The following VASH1 variants were observed in gnomAD, a reference collection of about 807,000 sequenced individuals.
VASH1 encodes tubulinyl-Tyr carboxypeptidase 1.
A neutral mutation model predicts 35.0 loss-of-function variants in VASH1; 16 were observed. The observed-to-expected ratio is 0.46, with a 90% CI of 0.31 to 0.70. The LOEUF (loss-of-function observed/expected upper bound fraction) is 0.70. Among genes scored for constraint, VASH1 ranks in the 30% least tolerant of loss-of-function variants. VASH1 has a pLI of 0.05. For synonymous variants in VASH1, 214 were observed against 200.9 expected, an observed-to-expected ratio of 1.07 and a Z score of -0.55; for missense variants, 505 against 510.7, an observed-to-expected ratio of 0.99 and a Z score of 0.11.
Position 76,779,671 on chromosome 14 carries a change from AGAG to A in VASH1, c.*658_*660del, listed in dbSNP as rs994027898. On this transcript the variant is annotated 3_prime_UTR_variant, in exon 7 of 7. Coordinates refer to ENST00000167106, the MANE Select transcript of VASH1 (RefSeq NM_014909.5). ...CCCCCATGGGCAGTGCTGTGTGGGC[AGAG>A]GAGGGGTGATATGAGAGCGAGCCCA... The A allele has an allele frequency of 2.0e-5, 12 of 601,488 alleles. No individual in the cohort carries two copies. In the African/African-American group the frequency reaches 2.0e-4, roughly 10 times the overall value. 37.3% of individuals were successfully genotyped at this position (601,488 alleles called of 1,614,324 possible). A position where few individuals can be genotyped will look rare whatever the true frequency, so the allele number is the denominator to read the frequency against.
At chr14:76,768,083 C>T (rs1299670153) in intron 1 of VASH1, among the ~76,000 whole-genome samples, 3 of 152,236 alleles carry the variant, frequency 2.0e-5, no homozygotes, top group African/African-American at 7.2e-5. Context: ...CTGCATGCTT[C>T]CCTGCCTGGC....
intron 1 of VASH1, 35 bp downstream of exon 1, chr14:76,763,165 T>C (rs1204154249): frequency 8.6e-6 from 12 of 1,394,484 alleles, no homozygotes; most frequent in Non-Finnish European, 1.1e-5. Context: ...GATAGCACAG[T>C]CTAGGTTTTA....
intron 6 of VASH1, among the ~76,000 whole-genome samples, chr14:76,778,728 A>G (rs1161105364): frequency 1.3e-5 from 2 of 152,238 alleles, no homozygotes. Flanking sequence ...AGCCTCCAGC[A>G]GCGAGAAAGC....
Position 76,779,325 on chromosome 14 carries a change from T to TC in VASH1, c.*309dup. ...GGTGGGAAGGCCAGTGCTTAACAAA[T>TC]CCATGTGTCATGGGGCCAGGTGAGG... On this transcript the variant is annotated 3_prime_UTR_variant, in exon 7 of 7. Transcript: ENST00000167106. 1 of 702,406 alleles carries TC rather than the reference T, an allele frequency of 1.4e-6. No homozygotes were observed. Among genetic ancestry groups the TC allele is most frequent in the South Asian group, 1.5e-5 (1 of 67,588 alleles). The allele number at this position is 702,406 out of a possible 1,614,324, so 43.5% of individuals were successfully genotyped here. A position where few individuals can be genotyped will look rare whatever the true frequency, so the allele number is the denominator to read the frequency against.
At chr14:76,770,761 G>A (rs545882250) in intron 2 of VASH1, among the ~76,000 whole-genome samples, 3 of 152,308 alleles carry the variant, frequency 2.0e-5, no homozygotes, top group East Asian at 1.9e-4. Context: ...ACTGCATATC[G>A]GGTCCAGCTC....
At chr14:76,770,627 C>T (rs1441999163) in intron 2 of VASH1, among the ~76,000 whole-genome samples, 1 of 120,980 alleles carries the variant, frequency 8.3e-6, no homozygotes, top group Admixed American at 8.1e-5. Context: ...AGCCCCTGCA[C>T]CCTGCCCCTG....
chr14:76,779,897 A>G lies in VASH1; in HGVS notation c.*879A>G. 3.8e-6 allele frequency: 1 copy of G among 265,750 alleles called. No individual in the cohort carries two copies. The highest frequency in any genetic ancestry group is 7.2e-6 in the Non-Finnish European group (1 of 139,832). 16.5% of individuals were successfully genotyped at this position (265,750 alleles called of 1,614,324 possible). On this transcript the variant is annotated 3_prime_UTR_variant, in exon 7 of 7. Transcript: ENST00000167106. ...GCCAGTCCAGGAGCTGTGGCTGGAC[A>G]TGGGGTGATGGGGCGGGATGCTTGG...
At chr14:76,773,239 G>C (rs1384015518) in intron 4 of VASH1, 28 bp downstream of exon 4, 2 of 1,607,930 alleles carry the variant, frequency 1.2e-6, no homozygotes, top group African/African-American at 2.7e-5. Flanking sequence ...AAGGGGAGGG[G>C]TCCGGGCTTC....
intron 1 of VASH1, 96 bp downstream of exon 1, chr14:76,763,226 G>A (rs368736139): frequency 6.5e-6 from 8 of 1,238,352 alleles, no homozygotes; most frequent in East Asian, 3.0e-5. Flanking sequence ...CGGGGCAGGG[G>A]ACCACTGGCT....
intron 4 of VASH1, among the ~76,000 whole-genome samples, chr14:76,775,458 TG>T (rs757988989): frequency 3.3e-5 from 5 of 151,958 alleles, no homozygotes; most frequent in Non-Finnish European, 7.4e-5. Flanking sequence ...CATGTGGATA[TG>T]GGGAGAGGAC....
rs1394030400 is a variant in VASH1, at chr14:76,780,624, G to C, written c.*1606G>C. 6.6e-6 allele frequency: 1 copy of C among 152,254 alleles called. No individual in the cohort carries two copies. The highest frequency in any genetic ancestry group is 2.4e-5 in the African/African-American group (1 of 41,446). 9.4% of individuals were successfully genotyped at this position (152,254 alleles called of 1,614,324 possible). ...CCTGAAGAGGGCACACCCTGTTAAA[G>C]GGGCCACAGCTGCTCAGCTGTTCTT... On this transcript the variant is annotated 3_prime_UTR_variant, in exon 7 of 7. Transcript: ENST00000167106.
At chr14:76,764,713 T>C (rs1893596883) in intron 1 of VASH1, among the ~76,000 whole-genome samples, 1 of 144,396 alleles carries the variant, frequency 6.9e-6, no homozygotes, top group African/African-American at 2.6e-5. Context: ...TGAGATGGAG[T>C]CTCACTCTTT....
intron 1 of VASH1, among the ~76,000 whole-genome samples, chr14:76,764,822 A>G (rs894929592): frequency 7.9e-5 from 12 of 151,326 alleles, no homozygotes; most frequent in Non-Finnish European, 1.5e-5. Context: ...AGTATCTGGG[A>G]TTGTAGGCAC....
intron 1 of VASH1, among the ~76,000 whole-genome samples, chr14:76,765,424 G>T (rs1893616700): frequency 6.6e-6 from 1 of 152,178 alleles, no homozygotes; most frequent in African/African-American, 2.4e-5. Context: ...GCATGAGTCT[G>T]CATGAGGTCC....
intron 5 of VASH1, among the ~76,000 whole-genome samples, chr14:76,776,801 C>G (rs1222620076): frequency 6.6e-6 from 1 of 152,152 alleles, no homozygotes; most frequent in Non-Finnish European, 1.5e-5. Flanking sequence ...AGCCTTTCAG[C>G]AGGCAGAATT....
In VASH1 at chr14:76,779,866, C is replaced by G. The variant is rs1304472331; in HGVS notation, c.*848C>G. On this transcript the variant is annotated 3_prime_UTR_variant, in exon 7 of 7. Coordinates refer to ENST00000167106, the MANE Select transcript of VASH1 (RefSeq NM_014909.5). The stretch of plus-strand genomic sequence containing the variant: ...CATGGCTGTGGGAGTTGAGCAAACC[C>G]TGGGTGCCAGTCCAGGAGCTGTGGC... The G allele has an allele frequency of 3.0e-6, 1 of 331,730 alleles. No homozygotes were observed. Among genetic ancestry groups the G allele is most frequent in the Non-Finnish European group, 5.5e-6 (1 of 181,942 alleles). The allele number at this position is 331,730 out of a possible 1,614,324, so 20.5% of individuals were successfully genotyped here.
intron 6 of VASH1, among the ~76,000 whole-genome samples, 172 bp downstream of exon 6, chr14:76,778,243 C>T (rs1894002174): frequency 6.6e-6 from 1 of 152,014 alleles, no homozygotes; most frequent in African/African-American, 2.4e-5. Flanking sequence ...TGACATTTCC[C>T]ACAGCAAGGC....
In VASH1 at chr14:76,770,058, T is replaced by G; in HGVS notation, c.398+7T>G. 6.2e-7 allele frequency: 1 copy of G among 1,612,892 alleles called. No homozygotes were observed. Reference sequence around the variant, plus strand: ...GCTACATCAGAGAGCTGCAGTATCCTCTCTGGTCAAGGGTCATGGCCACCT... The same window carrying G: ...GCTACATCAGAGAGCTGCAGTATCCGCTCTGGTCAAGGGTCATGGCCACCT... On this transcript the variant is annotated splice_region_variant and intron_variant, in intron 2 of 6. Coordinates refer to ENST00000167106, the MANE Select transcript of VASH1 (RefSeq NM_014909.5).
rs953154269 is a variant in VASH1, at chr14:76,763,194, G to A, written c.309+64G>A. ...GGTTTTAGTGACCTTGGGGCCAAGAGTGAAGCCACACTCTCCTCCCACGGG... is the reference window on the plus strand; with the variant it reads ...GGTTTTAGTGACCTTGGGGCCAAGAATGAAGCCACACTCTCCTCCCACGGG... On this transcript the variant is annotated intron_variant, in intron 1 of 6. Coordinates refer to ENST00000167106, the MANE Select transcript of VASH1 (RefSeq NM_014909.5). 2.2e-6 allele frequency: 3 copies of A among 1,362,258 alleles called. No homozygotes were observed. The African/African-American group carries it at 4.5e-5, about 20-fold the overall frequency. 84.4% of individuals were successfully genotyped at this position (1,362,258 alleles called of 1,614,324 possible).
Sources: allele counts gnomAD v4.1 joint callset (sites outside exome capture counted in the v4.1 genomes callset), GRCh38; gene constraint gnomAD v4.1.1; transcripts MANE v1.5; gene names NCBI Gene and HGNC (gene_info 2026-07-23, HGNC 2026-07-21).